Variants in SUPT3H observed in about 807,000 individuals in gnomAD.
SUPT3H encodes SPT3 homolog, SAGA and STAGA complex component.
In SUPT3H, 44 loss-of-function variants were observed where a neutral mutation model predicts 44.3. The ratio of observed to expected loss-of-function variants is 0.99; its 90% CI spans 0.78 to 1.28. The LOEUF (loss-of-function observed/expected upper bound fraction) is 1.28. SUPT3H is among the 50% of genes most tolerant of loss of function. The pLI, the probability that SUPT3H is intolerant of heterozygous loss-of-function variation, is 0.00. For missense variants in SUPT3H, 380 were observed against 387.1 expected, an observed-to-expected ratio of 0.98 and a Z score of 0.15; for synonymous variants, 124 against 125.6, an observed-to-expected ratio of 0.99 and a Z score of 0.09.
At chr6:45,375,769 G>T (rs1796692003) in intron 1 of SUPT3H, among the ~76,000 whole-genome samples, 1 of 151,052 alleles carries the variant, frequency 6.6e-6, no homozygotes, top group Non-Finnish European at 1.5e-5. Context: ...ACCTATAAAG[G>T]TTTTTTATTT....
chr6:45,121,271 T>G (rs2153579333), intron 2 of SUPT3H, among the ~76,000 whole-genome samples: 1 of 152,272 alleles, frequency 6.6e-6, no homozygotes, highest in South Asian at 2.1e-4. Context: ...TCAAAGCCCT[T>G]GGAGAACGTC....
intron 9 of SUPT3H, among the ~76,000 whole-genome samples, chr6:44,948,769 AG>A (rs1001811219): frequency 2.0e-5 from 3 of 152,080 alleles, no homozygotes; most frequent in Admixed American, 6.5e-5. Flanking sequence ...GTGGAGAAAT[AG>A]GAACACTTTT....
intron 5 of SUPT3H, among the ~76,000 whole-genome samples, chr6:45,006,110 T>C (rs1479128659): frequency 1.3e-5 from 2 of 152,134 alleles, no homozygotes; most frequent in African/African-American, 4.8e-5. Flanking sequence ...CTTTTAATGT[T>C]AAATTATAGC....
intron 3 of SUPT3H, among the ~76,000 whole-genome samples, chr6:45,063,478 A>G (rs1792574063): frequency 6.9e-6 from 1 of 145,638 alleles, no homozygotes; most frequent in South Asian, 2.2e-4. Context: ...TGACGAGCTG[A>G]GAGAAGAAGG....
chr6:45,299,231 T>C (rs1192605771), intron 2 of SUPT3H, among the ~76,000 whole-genome samples: 3 of 151,782 alleles, frequency 2.0e-5, no homozygotes, highest in Non-Finnish European at 4.4e-5. Flanking sequence ...CAGGGGCCTG[T>C]TGTCCCAGCT....
intron 3 of SUPT3H, among the ~76,000 whole-genome samples, chr6:45,054,326 G>C (rs1790788127): frequency 6.6e-6 from 1 of 152,104 alleles, no homozygotes; most frequent in Non-Finnish European, 1.5e-5. Flanking sequence ...ACAGAGGCAA[G>C]GAATGTCGCA....
chr6:44,892,774 G>A (rs567621341), intron 10 of SUPT3H, among the ~76,000 whole-genome samples: 1 of 152,074 alleles, frequency 6.6e-6, no homozygotes, highest in Non-Finnish European at 1.5e-5. Flanking sequence ...GTAGAGCCCA[G>A]GACTGAAGCC....
intron 10 of SUPT3H, among the ~76,000 whole-genome samples, chr6:44,891,043 G>T (rs533309279): frequency 2.6e-5 from 4 of 152,114 alleles, no homozygotes; most frequent in African/African-American, 9.6e-5. Flanking sequence ...ACGGGTTGAT[G>T]GGTGCAGGAA....
At chr6:45,306,359 T>G (rs1011686659) in intron 2 of SUPT3H, among the ~76,000 whole-genome samples, 5 of 152,044 alleles carry the variant, frequency 3.3e-5, no homozygotes, top group African/African-American at 1.2e-4. Context: ...CAGACATCAG[T>G]ATTAGCCACT....
intron 9 of SUPT3H, among the ~76,000 whole-genome samples, chr6:44,942,982 A>G (rs1276651416): frequency 6.6e-6 from 1 of 152,146 alleles, no homozygotes; most frequent in African/African-American, 2.4e-5. Flanking sequence ...ATTACTCACA[A>G]TGTCCACTTT....
At chr6:45,177,374 G>C (rs1223131276) in intron 2 of SUPT3H, among the ~76,000 whole-genome samples, 3 of 152,110 alleles carry the variant, frequency 2.0e-5, no homozygotes, top group Admixed American at 1.3e-4. Context: ...AGAGAAAAAA[G>C]AATAAAAAGA....
At chr6:44,886,577 T>C (rs1762326297) in intron 10 of SUPT3H, among the ~76,000 whole-genome samples, 1 of 152,136 alleles carries the variant, frequency 6.6e-6, no homozygotes, top group Admixed American at 6.5e-5. Flanking sequence ...TGAGAGATTT[T>C]GTCACCACCA....
chr6:45,074,810 C>A (rs939330019), intron 3 of SUPT3H, among the ~76,000 whole-genome samples: 45 of 152,122 alleles, frequency 3.0e-4, no homozygotes, highest in African/African-American at 1.0e-3. Flanking sequence ...TTCTGTTAAT[C>A]TTATGTATAC....
At chr6:45,193,239 A>G (rs1815440110) in intron 2 of SUPT3H, among the ~76,000 whole-genome samples, 2 of 152,144 alleles carry the variant, frequency 1.3e-5, no homozygotes. Context: ...CCATTTATAT[A>G]TAAGTTTGTG....
At chr6:45,176,062 G>C (rs539304147) in intron 2 of SUPT3H, among the ~76,000 whole-genome samples, 3 of 151,330 alleles carry the variant, frequency 2.0e-5, no homozygotes, top group Admixed American at 1.3e-4. Context: ...CTATATCTTG[G>C]GGGGAGGAGC....
chr6:45,023,831 A>C (rs775189027), intron 3 of SUPT3H, among the ~76,000 whole-genome samples: 3 of 152,160 alleles, frequency 2.0e-5, no homozygotes, highest in Non-Finnish European at 4.4e-5. Flanking sequence ...GTGATGAAAT[A>C]ATCTGTATAA....
At chr6:44,953,554 C>T in intron 8 of SUPT3H, 137 bp from the exon 9 acceptor site, 2 of 645,840 alleles carry the variant, frequency 3.1e-6, no homozygotes, top group East Asian at 5.6e-5. Context: ...TAGACATGAG[C>T]ACACACTTTC....
intron 2 of SUPT3H, among the ~76,000 whole-genome samples, chr6:45,146,347 A>G (rs1806068847): frequency 6.6e-6 from 1 of 152,070 alleles, no homozygotes; most frequent in Non-Finnish European, 1.5e-5. Context: ...CCCAAATATC[A>G]TATGTTCTCA....
chr6:45,136,427 A>G (rs1297303667), intron 2 of SUPT3H, among the ~76,000 whole-genome samples: 1 of 152,168 alleles, frequency 6.6e-6, no homozygotes, highest in Non-Finnish European at 1.5e-5. Context: ...ACAAAAAATT[A>G]TAAGATATAA....
Sources: gnomAD v4.1 joint callset for allele counts (sites outside exome capture counted in the v4.1 genomes callset) on GRCh38, gnomAD v4.1.1 for gene constraint, MANE v1.5 for transcripts, NCBI Gene and HGNC (gene_info 2026-07-23, HGNC 2026-07-21) for gene names.